Variants in CWH43 observed in about 807,000 individuals in gnomAD.
The protein encoded by CWH43 is PGAP2-interacting protein.
Under a neutral mutation model 85.7 loss-of-function variants are expected in CWH43, and 91 were observed. The ratio of observed to expected loss-of-function variants is 1.06; its 90% CI spans 0.90 to 1.26. CWH43 has a LOEUF of 1.26. Among genes scored for constraint, CWH43 ranks in the 50% most tolerant of loss-of-function variants. CWH43 has a pLI of 0.00. For missense variants in CWH43, 869 were observed against 839.2 expected (o/e 1.04, Z -0.44); for synonymous variants, 323 against 293.6 (o/e 1.10, Z -1.02).
intron 14 of CWH43, 86 bp from the exon 15 acceptor site, chr4:49,050,608 T>C: frequency 9.4e-7 from 1 of 1,062,768 alleles, no homozygotes; most frequent in Non-Finnish European, 1.4e-6. Flanking sequence ...GGAAACTGGT[T>C]TAATAACAAA....
intron 14 of CWH43, among the ~76,000 whole-genome samples, chr4:49,047,405 G>A (rs938341692): frequency 6.6e-6 from 1 of 152,150 alleles, no homozygotes. Context: ...ATAATTGCAG[G>A]ATGATCTATT....
chr4:49,049,261 G>A (rs1178252597), intron 14 of CWH43, among the ~76,000 whole-genome samples: 8 of 152,090 alleles, frequency 5.3e-5, no homozygotes, highest in Non-Finnish European at 1.2e-4. Context: ...CTTTCCCAAT[G>A]GGCAGACTTG....
At chr4:49,037,649 TC>T (rs2109816449) in intron 12 of CWH43, among the ~76,000 whole-genome samples, 1 of 152,296 alleles carries the variant, frequency 6.6e-6, no homozygotes, top group South Asian at 2.1e-4. Context: ...GGATTCTTCA[TC>T]TTACCAGTAT....
chr4:49,028,192 T>C (rs924438414), intron 9 of CWH43, among the ~76,000 whole-genome samples: 1 of 152,200 alleles, frequency 6.6e-6, no homozygotes, highest in Non-Finnish European at 1.5e-5. Flanking sequence ...GATGTATCTA[T>C]TTTGCAACAT....
chr4:49,029,868 C>T lies in CWH43; in HGVS notation c.1373-957C>T, dbSNP rs1784039763. Among the ~76,000 whole-genome samples the T allele has an allele frequency of 2.0e-5, 3 of 152,202 alleles. No individual in the cohort carries two copies. The South Asian group carries it at 6.2e-4, about 32-fold the overall frequency. On this transcript the variant is annotated intron_variant, in intron 10 of 15. Transcript: ENST00000226432. ...CCTGCCGACCTTCTCCCCACTATCA[C>T]CTTGTTCTCCTGCTGCATTCCCCTT... is the stretch of plus-strand genomic sequence containing the variant.
In CWH43 at chr4:48,994,583, C is replaced by T. The variant is rs543442731; in HGVS notation, c.512-36C>T. ...ATATAGAGCGCAAATTTCCATATAA[C>T]TAAACTTTTTCCATATATGTATTTT... is the stretch of plus-strand genomic sequence containing the variant. On this transcript the variant is annotated intron_variant, in intron 4 of 15. Coordinates refer to ENST00000226432, the MANE Select transcript of CWH43 (RefSeq NM_025087.3). 42 of 1,565,100 alleles carry T rather than the reference C, an allele frequency of 2.7e-5. No homozygotes were observed. In the East Asian group the frequency reaches 8.3e-4, roughly 31 times the overall value.
intron 15 of CWH43, among the ~76,000 whole-genome samples, chr4:49,051,979 A>G (rs1402659833): frequency 6.6e-6 from 1 of 152,340 alleles, no homozygotes; most frequent in African/African-American, 2.4e-5. Context: ...AAACTTCTAC[A>G]TAAAGCCAAA....
In CWH43 at chr4:49,011,075, G is replaced by A. The variant is rs1158487228; in HGVS notation, c.1186+3749G>A. ...TGATATGTCTAATATTGACAGTGGG[G>A]TATTAAAGTCTCCTATTATTATTGT... On this transcript the variant is annotated intron_variant, in intron 8 of 15. Coordinates refer to ENST00000226432, the MANE Select transcript of CWH43 (RefSeq NM_025087.3). Among the ~76,000 whole-genome samples, 4 of 152,128 alleles carry A rather than the reference G, an allele frequency of 2.6e-5. 1 individual carries two copies. Among genetic ancestry groups the A allele is most frequent in the South Asian group, 4.1e-4 (2 of 4,830 alleles).
chr4:49,013,559 G>A (rs1419762329), intron 8 of CWH43, among the ~76,000 whole-genome samples: 38 of 152,286 alleles, frequency 2.5e-4, no homozygotes, highest in African/African-American at 8.7e-4. Flanking sequence ...TGCAGAAATC[G>A]CCTGTCTTCT....
At chr4:49,039,535 A>T (rs1784391472) in intron 13 of CWH43, among the ~76,000 whole-genome samples, 1 of 148,356 alleles carries the variant, frequency 6.7e-6, no homozygotes, top group African/African-American at 2.5e-5. Flanking sequence ...GGTCCCTTTC[A>T]TTCCATTTTC....
chr4:49,018,088 TC>T (rs1294043804), intron 9 of CWH43, among the ~76,000 whole-genome samples: 3 of 151,918 alleles, frequency 2.0e-5, no homozygotes, highest in African/African-American at 7.3e-5. Flanking sequence ...TCCGCCTGCC[TC>T]CCAAAGTGCT....
At chr4:48,995,951 C>G (rs1407696291) in intron 5 of CWH43, among the ~76,000 whole-genome samples, 1 of 152,202 alleles carries the variant, frequency 6.6e-6, no homozygotes, top group African/African-American at 2.4e-5. Context: ...TTACTGATAA[C>G]CTCTCAGCAG....
At chr4:49,033,604 G>A (rs1784170465) in intron 12 of CWH43, among the ~76,000 whole-genome samples, 2 of 152,292 alleles carry the variant, frequency 1.3e-5, no homozygotes, top group East Asian at 1.9e-4. Context: ...TGGGGAGAGA[G>A]GCCAGTGATG....
At chr4:49,052,845 T>C (rs2109843400) in intron 15 of CWH43, among the ~76,000 whole-genome samples, 1 of 152,316 alleles carries the variant, frequency 6.6e-6, no homozygotes, top group South Asian at 2.1e-4. Flanking sequence ...CAATACATTA[T>C]TATTAACTAT....
intron 8 of CWH43, chr4:49,016,535 G>A (rs755371172): frequency 7.7e-5 from 50 of 651,332 alleles, no homozygotes; most frequent in Admixed American, 5.6e-4. Context: ...TATAGTAAGC[G>A]GAGAAGGGAT....
intron 8 of CWH43, among the ~76,000 whole-genome samples, chr4:49,013,834 C>T (rs1035589029): frequency 6.6e-6 from 1 of 152,100 alleles, no homozygotes; most frequent in Non-Finnish European, 1.5e-5. Context: ...GTTTGGGATG[C>T]TGATGAACTA....
At chr4:49,043,321 A>G (rs1784525303) in intron 13 of CWH43, among the ~76,000 whole-genome samples, 1 of 152,248 alleles carries the variant, frequency 6.6e-6, no homozygotes, top group Non-Finnish European at 1.5e-5. Context: ...AACGAATATT[A>G]GACAAGATGA....
chr4:49,022,660 TG>T (rs1466058723), intron 9 of CWH43, among the ~76,000 whole-genome samples: 1 of 152,204 alleles, frequency 6.6e-6, no homozygotes, highest in Non-Finnish European at 1.5e-5. Context: ...AGAATTCAGC[TG>T]TGAATCTGTC....
At chr4:49,040,823 C>G (rs1177638212) in intron 13 of CWH43, among the ~76,000 whole-genome samples, 2 of 152,090 alleles carry the variant, frequency 1.3e-5, no homozygotes, top group African/African-American at 4.8e-5. Flanking sequence ...TTGCCCATGC[C>G]TATGTCCTGA....
Sources: allele counts gnomAD v4.1 joint callset (sites outside exome capture counted in the v4.1 genomes callset), GRCh38; gene constraint gnomAD v4.1.1; transcripts MANE v1.5; gene names NCBI Gene and HGNC (gene_info 2026-07-23, HGNC 2026-07-21).